The following GLIS3 variants were observed in gnomAD, a reference collection of about 807,000 sequenced individuals.
GLIS3 encodes GLIS family zinc finger 3.
A neutral mutation model predicts 78.6 loss-of-function variants in GLIS3; 53 were observed. The observed-to-expected ratio is 0.67, with a 90% CI of 0.54 to 0.85. GLIS3 has a LOEUF of 0.85. Among genes scored for constraint, GLIS3 ranks in the 40% least tolerant of loss-of-function variants. The probability of loss-of-function intolerance (pLI) is 0.00; values close to 1 mark genes in which losing one functional copy is unlikely to be tolerated. For synonymous variants in GLIS3, 684 were observed against 509.9 expected (o/e 1.34, Z -4.60); for missense variants, 1,703 against 1,231.1 (o/e 1.38, Z -5.74).
At chr9:4,358,920 C>G in the GLIS3 span, among the ~76,000 whole-genome samples, 182 of 152,308 alleles carry the variant, frequency 1.2e-3, no homozygotes, top group African/African-American at 4.3e-3. Flanking sequence ...CACTCCAAGA[C>G]TTTCAGGCTG....
the GLIS3 span, among the ~76,000 whole-genome samples, chr9:4,430,026 A>T: frequency 3.4e-3 from 487 of 141,852 alleles, 4 homozygotes; most frequent in African/African-American, 0.013. Context: ...TCCTCTTTCT[A>T]TTAAACAAAC....
chr9:4,383,071 A>G, the GLIS3 span, among the ~76,000 whole-genome samples: 1 of 152,154 alleles, frequency 6.6e-6, no homozygotes, highest in Admixed American at 6.5e-5. Context: ...AGTACCAATA[A>G]CTTGGGTTTT....
chr9:4,322,624 C>G (rs896519282), intron 2 of GLIS3, among the ~76,000 whole-genome samples: 1 of 152,144 alleles, frequency 6.6e-6, no homozygotes, highest in African/African-American at 2.4e-5. Flanking sequence ...GAGATGGTGT[C>G]TCACTGTGTT....
chr9:4,265,522 G>A (rs1250001258), intron 2 of GLIS3, among the ~76,000 whole-genome samples: 1 of 152,022 alleles, frequency 6.6e-6, no homozygotes, highest in East Asian at 1.9e-4. Flanking sequence ...GCCTCTATCT[G>A]TCATTTCCAG....
At chr9:4,178,657 A>G (rs1462329800) in intron 2 of GLIS3, among the ~76,000 whole-genome samples, 1 of 152,248 alleles carries the variant, frequency 6.6e-6, no homozygotes, top group African/African-American at 2.4e-5. Context: ...AACACAGGAA[A>G]ATAAAAACCC....
chr9:4,028,452 G>C (rs903639022), intron 4 of GLIS3, among the ~76,000 whole-genome samples: 3 of 152,158 alleles, frequency 2.0e-5, no homozygotes, highest in Admixed American at 6.5e-5. Flanking sequence ...ATAGGACACT[G>C]AGAAGGAAAT....
chr9:4,165,301 C>T (rs1298962773), intron 2 of GLIS3, among the ~76,000 whole-genome samples: 4 of 152,068 alleles, frequency 2.6e-5, no homozygotes, highest in Non-Finnish European at 5.9e-5. Flanking sequence ...ATTAGCCGGG[C>T]GTGGTGGCAC....
chr9:4,134,058 A>T (rs1382757421), intron 2 of GLIS3, among the ~76,000 whole-genome samples: 1 of 152,262 alleles, frequency 6.6e-6, no homozygotes, highest in East Asian at 1.9e-4. Flanking sequence ...ACAGAAAATA[A>T]GTAAAATTTC....
chr9:4,300,403 C>G (rs1587368181), upstream of GLIS3, among the ~76,000 whole-genome samples: 2 of 134,182 alleles, frequency 1.5e-5, no homozygotes, highest in African/African-American at 8.1e-5. Flanking sequence ...AAAAAATAAA[C>G]AAACAACCAA....
chr9:4,300,261 G>C (rs1345898511), upstream of GLIS3, among the ~76,000 whole-genome samples: 2 of 151,894 alleles, frequency 1.3e-5, no homozygotes, highest in Non-Finnish European at 2.9e-5. Context: ...CCGTGCGCCA[G>C]AAGTCGAGGA....
At chr9:3,855,794 T>C in intron 9 of GLIS3, 1 of 579,412 alleles carries the variant, frequency 1.7e-6, no homozygotes, top group Admixed American at 2.5e-5. Context: ...AGCTGACCAG[T>C]GCGATGTGTC....
intron 2 of GLIS3, among the ~76,000 whole-genome samples, chr9:4,149,511 C>T (rs982819): frequency 0.2 from 30,574 of 152,170 alleles, 3,397 homozygotes; most frequent in African/African-American, 0.29. Flanking sequence ...CTCACACTCA[C>T]GCGGAGCCTC....
intron 2 of GLIS3, among the ~76,000 whole-genome samples, chr9:4,344,924 C>T (rs555352794): frequency 2.0e-5 from 3 of 152,176 alleles, no homozygotes; most frequent in Admixed American, 2.0e-4. Flanking sequence ...CACTTCTCAC[C>T]ATCTTCACCA....
intron 4 of GLIS3, among the ~76,000 whole-genome samples, chr9:4,070,454 A>T (rs1165309902): frequency 6.6e-6 from 1 of 152,112 alleles, no homozygotes; most frequent in Non-Finnish European, 1.5e-5. Flanking sequence ...GTGACCAAAA[A>T]GTCTCCACAG....
Position 3,856,052 on chromosome 9 carries a change from T to C in GLIS3, c.2430A>G (p.Pro810=). The C allele has an allele frequency of 6.2e-7, 1 of 1,614,216 alleles. No individual in the cohort carries two copies. The highest frequency in any genetic ancestry group is 8.5e-7 in the Non-Finnish European group (1 of 1,180,024). The stretch of plus-strand genomic sequence containing the variant: ...TTGGTTGAAAAGAAGAGTTTGTTTC[T>C]GGCTGATAGGACTTCAGGTGTGAAC... ...PSGSHLKSYQ[P]ETNSSFQPNG... The change falls in exon 9 of 11, where the codon CCA becomes CCG. Residue 810 remains proline (P), a synonymous_variant. Transcript: ENST00000381971.
At chr9:4,284,493 G>C (rs992099648) in intron 2 of GLIS3, among the ~76,000 whole-genome samples, 1 of 151,936 alleles carries the variant, frequency 6.6e-6, no homozygotes, top group Non-Finnish European at 1.5e-5. Flanking sequence ...CTGACAATGA[G>C]CAACCTATTT....
Position 4,076,105 on chromosome 9 carries a change from A to C in GLIS3, c.1710+41663T>G, listed in dbSNP as rs1828030756. On this transcript the variant is annotated intron_variant, in intron 4 of 10. Transcript: ENST00000381971. ...TCATGGAACTTTATATTTAAAATGT[A>C]AAATATTTACACTCTATTTAATGTA... Among the ~76,000 whole-genome samples the C allele has an allele frequency of 2.6e-5, 4 of 152,218 alleles. No homozygotes were observed. The South Asian group carries it at 8.3e-4, about 32-fold the overall frequency.
At chr9:4,327,563 G>A (rs1020935373) in intron 2 of GLIS3, among the ~76,000 whole-genome samples, 2 of 152,112 alleles carry the variant, frequency 1.3e-5, no homozygotes, top group Non-Finnish European at 2.9e-5. Flanking sequence ...TGGGTAGGAA[G>A]CATGAGAGAG....
chr9:4,449,840 G>C, the GLIS3 span, among the ~76,000 whole-genome samples: 1 of 152,108 alleles, frequency 6.6e-6, no homozygotes, highest in Admixed American at 6.6e-5. Flanking sequence ...CCTATCTGTA[G>C]GTCACCAGCA....
Sources: allele counts gnomAD v4.1 joint callset (sites outside exome capture counted in the v4.1 genomes callset), GRCh38; gene constraint gnomAD v4.1.1; transcripts MANE v1.5; gene names NCBI Gene and HGNC (gene_info 2026-07-23, HGNC 2026-07-21).